PDZRN4: variants seen among roughly 807,000 people sequenced by gnomAD.
PDZRN4 encodes PDZ domain containing ring finger 4.
A neutral mutation model predicts 99.0 loss-of-function variants in PDZRN4; 70 were observed. The ratio of observed to expected loss-of-function variants is 0.71; its 90% CI spans 0.58 to 0.86. PDZRN4 has a LOEUF of 0.86. Among genes scored for constraint, PDZRN4 ranks in the 40% least tolerant of loss-of-function variants. PDZRN4 has a pLI of 0.00. For synonymous variants in PDZRN4, 551 were observed against 501.6 expected (o/e 1.10, Z -1.32); for missense variants, 1,474 against 1,331.2 (o/e 1.11, Z -1.67).
At chr12:41,406,365 A>G (rs1952350198) in intron 3 of PDZRN4, among the ~76,000 whole-genome samples, 1 of 152,218 alleles carries the variant, frequency 6.6e-6, no homozygotes, top group Non-Finnish European at 1.5e-5. Context: ...TGTATAAAAG[A>G]AAAAATCAAC....
intron 5 of PDZRN4, among the ~76,000 whole-genome samples, chr12:41,516,342 C>T (rs1938400570): frequency 6.6e-6 from 1 of 152,024 alleles, no homozygotes; most frequent in African/African-American, 2.4e-5. Flanking sequence ...CACAGTGAGT[C>T]CTCAGTAGTA....
chr12:41,525,015 T>C (rs1938547455), intron 5 of PDZRN4, among the ~76,000 whole-genome samples: 1 of 152,130 alleles, frequency 6.6e-6, no homozygotes, highest in Admixed American at 6.6e-5. Flanking sequence ...AGTTGAGCTA[T>C]TAGATAGCTA....
At chr12:41,437,964 C>G (rs1159435233) in intron 3 of PDZRN4, 1 of 1,614,052 alleles carries the variant, frequency 6.2e-7, no homozygotes, top group Non-Finnish European at 8.5e-7. Context: ...AATTTGTGCA[C>G]TTTTCAGAAA....
chr12:41,501,292 T>A (rs892487663), intron 3 of PDZRN4, among the ~76,000 whole-genome samples: 1 of 152,176 alleles, frequency 6.6e-6, no homozygotes, highest in African/African-American at 2.4e-5. Context: ...GAGTTATTCA[T>A]GCACTTGTTA....
At chr12:41,313,069 T>G in intron 3 of PDZRN4, among the ~76,000 whole-genome samples, 1 of 152,166 alleles carries the variant, frequency 6.6e-6, no homozygotes, top group East Asian at 1.9e-4. Context: ...TCCATCTGTG[T>G]GAACTGGAGC....
At chr12:41,385,631 A>C (rs1378254819) in intron 3 of PDZRN4, among the ~76,000 whole-genome samples, 2 of 152,192 alleles carry the variant, frequency 1.3e-5, no homozygotes, top group Non-Finnish European at 2.9e-5. Flanking sequence ...GAAGAAACTG[A>C]ATCGCTGAAG....
chr12:41,446,526 GT>G (rs10555918), intron 3 of PDZRN4, among the ~76,000 whole-genome samples: 2,867 of 149,410 alleles, frequency 0.019, 64 homozygotes, highest in East Asian at 0.093. Context: ...AATTTAGATG[GT>G]TTTTTTTTTT....
chr12:41,369,458 T>G (rs1952024994), intron 3 of PDZRN4, among the ~76,000 whole-genome samples: 1 of 152,064 alleles, frequency 6.6e-6, no homozygotes, highest in Non-Finnish European at 1.5e-5. Context: ...TAATAACCCT[T>G]TAAAACTATT....
chr12:41,234,834 G>T (rs572525922), intron 3 of PDZRN4, among the ~76,000 whole-genome samples: 15 of 152,088 alleles, frequency 9.9e-5, no homozygotes, highest in Non-Finnish European at 2.1e-4. Flanking sequence ...GAGACAGCCT[G>T]TCTCAGCCTT....
chr12:41,483,860 A>G (rs1243307175), intron 3 of PDZRN4, among the ~76,000 whole-genome samples: 1 of 152,098 alleles, frequency 6.6e-6, no homozygotes, highest in African/African-American at 2.4e-5. Flanking sequence ...TGCATAGTCC[A>G]GTAGTACACA....
intron 3 of PDZRN4, among the ~76,000 whole-genome samples, chr12:41,494,858 C>T (rs1937964061): frequency 6.6e-6 from 1 of 152,236 alleles, no homozygotes; most frequent in Non-Finnish European, 1.5e-5. Flanking sequence ...TTTAAGCCAC[C>T]TGCTTCTCCT....
chr12:41,551,963 A>G (rs375471033), intron 5 of PDZRN4, among the ~76,000 whole-genome samples: 1 of 152,188 alleles, frequency 6.6e-6, no homozygotes, highest in African/African-American at 2.4e-5. Flanking sequence ...CTGACATTTC[A>G]AGCCCTTAGC....
chr12:41,562,407 G>A (rs1276077056), intron 7 of PDZRN4, among the ~76,000 whole-genome samples: 4 of 152,100 alleles, frequency 2.6e-5, no homozygotes, highest in Non-Finnish European at 2.9e-5. Flanking sequence ...CTTTTAAGCA[G>A]AAGTCCTTAG....
chr12:41,189,070 C>A lies in PDZRN4; in HGVS notation c.615C>A (p.Asn205Lys). ...CCCAATACATGGCTCACGTCCGCAA[C>A]TTCGTCGGCGACCTCGGTGGCGGCC... Reference protein sequence around the residue: ...KFTQYMAHVRNFVGDLGGGHR... With the variant: ...KFTQYMAHVRKFVGDLGGGHR... The change falls in exon 1 of 10, where the codon AAC becomes AAA. Residue 205 changes from asparagine to lysine, a missense_variant. By Grantham distance (94) the Asn-to-Lys change is moderately conservative (BLOSUM62 0). Coordinates refer to ENST00000402685, the MANE Select transcript of PDZRN4 (RefSeq NM_001164595.2). 6.3e-7 allele frequency: 1 copy of A among 1,581,510 alleles called. No individual in the cohort carries two copies. Among genetic ancestry groups the A allele is most frequent in the Non-Finnish European group, 8.5e-7 (1 of 1,172,068 alleles).
intron 3 of PDZRN4, among the ~76,000 whole-genome samples, chr12:41,478,118 G>A (rs1235202772): frequency 6.6e-6 from 1 of 151,798 alleles, no homozygotes; most frequent in Non-Finnish European, 1.5e-5. Context: ...AAATTTTTTT[G>A]TTTTTTGTTT....
At chr12:41,552,475 T>C (rs1269928668) in intron 5 of PDZRN4, among the ~76,000 whole-genome samples, 181 bp from the exon 6 acceptor site, 1 of 151,748 alleles carries the variant, frequency 6.6e-6, no homozygotes, top group Non-Finnish European at 1.5e-5. Context: ...CTTCCCTACA[T>C]AGAAATCCAT....
At chr12:41,435,972 A>G (rs1239133210) in intron 3 of PDZRN4, among the ~76,000 whole-genome samples, 1 of 152,184 alleles carries the variant, frequency 6.6e-6, no homozygotes, top group Non-Finnish European at 1.5e-5. Context: ...TAAAACTTTC[A>G]AAAGCATCAG....
Position 41,256,638 on chromosome 12 carries a change from T to C in PDZRN4, c.843+62450T>C, listed in dbSNP as rs182822769. 1.9e-3 allele frequency among the ~76,000 whole-genome samples: 282 copies of C among 152,292 alleles called. 1 individual carries two copies. The highest frequency in any genetic ancestry group is 3.5e-3 in the Non-Finnish European group (238 of 68,020). On this transcript the variant is annotated intron_variant, in intron 3 of 9. Coordinates refer to ENST00000402685, the MANE Select transcript of PDZRN4 (RefSeq NM_001164595.2). ...TTTACAAGATACTCACTTTATATAG[T>C]ATCTTGCCATAGCTGACTGAACTAA...
At chr12:41,284,449 G>A (rs1412209409) in intron 3 of PDZRN4, among the ~76,000 whole-genome samples, 1 of 151,810 alleles carries the variant, frequency 6.6e-6, no homozygotes, top group East Asian at 1.9e-4. Flanking sequence ...TAATTTTGAT[G>A]CAATGCTATT....
Sources: allele counts gnomAD v4.1 joint callset (sites outside exome capture counted in the v4.1 genomes callset), GRCh38; gene constraint gnomAD v4.1.1; transcripts MANE v1.5; gene names NCBI Gene and HGNC (gene_info 2026-07-23, HGNC 2026-07-21).